The following FBXO34 variants were observed in gnomAD, a reference collection of about 807,000 sequenced individuals.
FBXO34 encodes the protein F-box only protein 34.
Under a neutral mutation model 24.5 loss-of-function variants are expected in FBXO34, and 12 were observed. That is an observed-to-expected ratio of 0.49 (90% CI 0.31 to 0.79). The LOEUF (loss-of-function observed/expected upper bound fraction) is 0.79. Ranked by LOEUF, FBXO34 falls within the 30% of genes least tolerant of loss-of-function variation. The pLI is 0.04. For synonymous variants in FBXO34, 320 were observed against 311.9 expected, an observed-to-expected ratio of 1.03 and a Z score of -0.27; for missense variants, 823 against 857.7, an observed-to-expected ratio of 0.96 and a Z score of 0.51.
intron 1 of FBXO34, among the ~76,000 whole-genome samples, chr14:55,273,509 C>G (rs769500740): frequency 6.6e-6 from 1 of 152,040 alleles, no homozygotes; most frequent in Non-Finnish European, 1.5e-5. Flanking sequence ...AGTGAAGTCT[C>G]TAAAGATACA....
At chr14:55,312,760 G>A (rs1375172705) in intron 1 of FBXO34, among the ~76,000 whole-genome samples, 1 of 152,200 alleles carries the variant, frequency 6.6e-6, no homozygotes, top group Non-Finnish European at 1.5e-5. Flanking sequence ...GGGGATGCGG[G>A]GCACCAAGTC....
At chr14:55,408,472 T>G in the FBXO34 span, among the ~76,000 whole-genome samples, 1 of 150,694 alleles carries the variant, frequency 6.6e-6, no homozygotes, top group Non-Finnish European at 1.5e-5. Flanking sequence ...CAAACAAACT[T>G]CCTCAAACTC....
intron 1 of FBXO34, among the ~76,000 whole-genome samples, chr14:55,327,943 TG>T (rs1323121810): frequency 6.1e-5 from 5 of 81,482 alleles, no homozygotes; most frequent in Non-Finnish European, 1.1e-4. Context: ...TTTTTTTTTT[TG>T]GAGACAGACT....
chr14:55,436,852 A>G, the FBXO34 span: 1 of 1,614,216 alleles, frequency 6.2e-7, no homozygotes, highest in Non-Finnish European at 8.5e-7. Flanking sequence ...TTCCTGGGTA[A>G]CTTCATCTGG....
intron 1 of FBXO34, among the ~76,000 whole-genome samples, chr14:55,296,079 T>C (rs765815839): frequency 3.6e-4 from 55 of 152,144 alleles, no homozygotes; most frequent in Non-Finnish European, 6.2e-4. Context: ...TTTTCATGCC[T>C]GTAGTTGAAG....
At chr14:55,406,240 ATTTACC>A in the FBXO34 span, among the ~76,000 whole-genome samples, 4 of 152,162 alleles carry the variant, frequency 2.6e-5, no homozygotes, top group African/African-American at 7.2e-5. Flanking sequence ...AAAAAAATAC[ATTTACC>A]TTTACAAGAA....
intron 1 of FBXO34, among the ~76,000 whole-genome samples, chr14:55,296,387 T>TTTTG (rs1566544371): frequency 8.9e-6 from 1 of 111,740 alleles, no homozygotes; most frequent in Admixed American, 8.8e-5. Context: ...CTTGTGTTTT[T>TTTTG]TTTGTTTTTT....
intron 1 of FBXO34, among the ~76,000 whole-genome samples, chr14:55,297,306 C>T (rs1882172307): frequency 6.6e-6 from 1 of 152,210 alleles, no homozygotes; most frequent in African/African-American, 2.4e-5. Context: ...TCAGTATTAA[C>T]ACAGAGTAGT....
In FBXO34 at chr14:55,323,234, T is replaced by TTATTTATTTA. The variant is rs1319204253; in HGVS notation, c.-10-27146_-10-27145insATTTATTTAT. ...AAAAAAAAAAATATATATTTTTTTT[T>TTATTTATTTA]TTTTTTTTTTTTTTAGAGACAGAGT... On this transcript the variant is annotated intron_variant, in intron 1 of 1. Coordinates refer to ENST00000313833, the MANE Select transcript of FBXO34 (RefSeq NM_017943.4). Among the ~76,000 whole-genome samples, 30 of 69,694 alleles carry TTATTTATTTA rather than the reference T, an allele frequency of 4.3e-4. 6 individuals are homozygous for TTATTTATTTA. Among genetic ancestry groups the TTATTTATTTA allele is most frequent in the African/African-American group, 2.7e-3 (29 of 10,646 alleles). 45.7% of individuals were successfully genotyped at this position (69,694 alleles called of 152,430 possible).
intron 1 of FBXO34, among the ~76,000 whole-genome samples, chr14:55,274,813 A>G (rs1004087416): frequency 6.6e-6 from 1 of 152,194 alleles, no homozygotes; most frequent in African/African-American, 2.4e-5. Flanking sequence ...ACTTATCTTT[A>G]GAGACATCAT....
chr14:55,280,526 A>AATTTT lies in FBXO34; in HGVS notation c.-11+8989_-11+8990insATTTT, dbSNP rs201409175. On this transcript the variant is annotated intron_variant, in intron 1 of 1. Coordinates refer to ENST00000313833, the MANE Select transcript of FBXO34 (RefSeq NM_017943.4). The stretch of plus-strand genomic sequence containing the variant: ...AATACTACACCATTTTATATCAGGA[A>AATTTT]CTTTTTTTTTTTTTTTTTGAGATGG... Among the ~76,000 whole-genome samples, 111 of 95,856 alleles carry AATTTT rather than the reference A, an allele frequency of 1.2e-3. 1 individual carries two copies. The highest frequency in any genetic ancestry group is 1.6e-3 in the Non-Finnish European group (87 of 53,334). The allele number at this position is 95,856 out of a possible 152,430, so 62.9% of individuals were successfully genotyped here.
the FBXO34 span, chr14:55,390,956 G>C: frequency 6.2e-7 from 1 of 1,605,708 alleles, no homozygotes; most frequent in African/African-American, 1.3e-5. Flanking sequence ...TGTTTTAACT[G>C]TTCAATCCTC....
chr14:55,377,506 G>A, the FBXO34 span, among the ~76,000 whole-genome samples: 1 of 152,096 alleles, frequency 6.6e-6, no homozygotes, highest in Non-Finnish European at 1.5e-5. Flanking sequence ...AGAAATAGAC[G>A]CAGATCCAAA....
In FBXO34 at chr14:55,350,634, A is replaced by C; in HGVS notation, c.244A>C (p.Ser82Arg). Reference sequence around the variant, plus strand: ...GAGTGGGAAGAGTCCTGTAGAGAGCAGCTTGAATGTTAAAACCAAAAAGAA... The same window carrying C: ...GAGTGGGAAGAGTCCTGTAGAGAGCCGCTTGAATGTTAAAACCAAAAAGAA... ...SMSGKSPVES[S>R]LNVKTKKNAP... is the part of the protein sequence containing the mutation. The change falls in exon 2 of 2, where the codon AGC (serine) becomes CGC (arginine). Residue 82 changes from serine to arginine, a missense_variant. Around this residue, in one of 2 missense-constraint regions of FBXO34, gnomAD observed 693 missense variants for 659.1 expected, o/e 1.05. Transcript: ENST00000313833. The C allele has an allele frequency of 6.2e-7, 1 of 1,613,458 alleles. No homozygotes were observed. Among genetic ancestry groups the C allele is most frequent in the African/African-American group, 1.3e-5 (1 of 74,966 alleles).
At chr14:55,285,902 T>A (rs1881745579) in intron 1 of FBXO34, among the ~76,000 whole-genome samples, 1 of 152,336 alleles carries the variant, frequency 6.6e-6, no homozygotes, top group African/African-American at 2.4e-5. Context: ...GACTCTTGCA[T>A]AAGTCCCTTA....
chr14:55,390,998 A>G, the FBXO34 span: 2 of 1,595,466 alleles, frequency 1.3e-6, no homozygotes, highest in Admixed American at 3.4e-5. Flanking sequence ...CATCTCTGAA[A>G]AAAGCATGTA....
chr14:55,375,839 A>G, the FBXO34 span, among the ~76,000 whole-genome samples: 3 of 152,336 alleles, frequency 2.0e-5, no homozygotes, highest in African/African-American at 4.8e-5. Flanking sequence ...GATTGTTCCT[A>G]TGTAATCTAT....
At chr14:55,370,251 C>G (rs1027643095), downstream of FBXO34, among the ~76,000 whole-genome samples, 2 of 152,312 alleles carry the variant, frequency 1.3e-5, no homozygotes, top group African/African-American at 4.8e-5. Flanking sequence ...TTGTAAAGAA[C>G]TGCAGTGTCT....
downstream of FBXO34, among the ~76,000 whole-genome samples, chr14:55,372,617 CCCTT>C (rs773121750): frequency 6.6e-5 from 10 of 151,882 alleles, no homozygotes; most frequent in Non-Finnish European, 1.0e-4. Flanking sequence ...TTCCCTCCCT[CCCTT>C]CCTTTCTTCC....
Sources: gnomAD v4.1 joint callset for allele counts (sites outside exome capture counted in the v4.1 genomes callset) on GRCh38, gnomAD v4.1.1 for gene constraint, gnomAD v4.1.1 regional missense constraint, MANE v1.5 for transcripts, NCBI Gene and HGNC (gene_info 2026-07-23, HGNC 2026-07-21) for gene names.